ULK4: variants seen among roughly 807,000 people sequenced by gnomAD.
ULK4 encodes the protein unc-51 like kinase 4.
Under a neutral mutation model 160.6 loss-of-function variants are expected in ULK4, and 133 were observed. The ratio of observed to expected loss-of-function variants is 0.83; its 90% CI spans 0.72 to 0.96. The LOEUF is 0.96. Among genes scored for constraint, ULK4 ranks in the 40% least tolerant of loss-of-function variants. ULK4 has a pLI of 0.00. For missense variants in ULK4, 1,580 were observed against 1,499.5 expected (o/e 1.05, Z -0.89); for synonymous variants, 534 against 539.8 (o/e 0.99, Z 0.15).
At chr3:41,499,596 G>T (rs2085116404) in intron 32 of ULK4, among the ~76,000 whole-genome samples, 1 of 152,090 alleles carries the variant, frequency 6.6e-6, no homozygotes, top group African/African-American at 2.4e-5. Flanking sequence ...TCTACATAAA[G>T]ATTTTTTTTG....
chr3:41,725,516 C>T (rs543006091), intron 22 of ULK4, among the ~76,000 whole-genome samples: 2 of 152,226 alleles, frequency 1.3e-5, no homozygotes, highest in Admixed American at 1.3e-4. Flanking sequence ...TGACTTGTTA[C>T]TTTCAATTAT....
At chr3:41,895,949 G>C (rs1175825250) in intron 15 of ULK4, among the ~76,000 whole-genome samples, 1 of 152,106 alleles carries the variant, frequency 6.6e-6, no homozygotes, top group African/African-American at 2.4e-5. Context: ...CCTCTCTGAG[G>C]ATGACTTCAA....
chr3:41,941,755 CAAAAAAAAAAA>C (rs565727539), intron 2 of ULK4, among the ~76,000 whole-genome samples: 3 of 30,730 alleles, frequency 9.8e-5, no homozygotes, highest in East Asian at 1.3e-3. Flanking sequence ...GACTCTGTCT[CAAAAAAAAAAA>C]AAAAAAAAAA....
intron 17 of ULK4, among the ~76,000 whole-genome samples, chr3:41,849,713 G>A (rs1049064549): frequency 1.3e-5 from 2 of 152,202 alleles, no homozygotes; most frequent in Non-Finnish European, 2.9e-5. Flanking sequence ...GGTGCAGGAT[G>A]TTAATAGGGA....
Position 41,369,346 on chromosome 3 carries a change from T to C in ULK4, c.3678+28733A>G, listed in dbSNP as rs564220754. On this transcript the variant is annotated intron_variant, in intron 35 of 36. Coordinates refer to ENST00000301831, the MANE Select transcript of ULK4 (RefSeq NM_017886.4). ...TGACTCCACTAAAAATACTAGAAAT[T>C]AGCCAGGTGTGGTGGCACATGCCTG... Among the ~76,000 whole-genome samples, 7 of 152,110 alleles carry C rather than the reference T, an allele frequency of 4.6e-5. No homozygotes were observed. In the South Asian group the frequency reaches 1.5e-3, roughly 32 times the overall value.
At chr3:41,549,832 C>T (rs1354555101) in intron 32 of ULK4, among the ~76,000 whole-genome samples, 1 of 151,988 alleles carries the variant, frequency 6.6e-6, no homozygotes, top group African/African-American at 2.4e-5. Flanking sequence ...AAATGACCAT[C>T]AGGCTAACTG....
intron 17 of ULK4, among the ~76,000 whole-genome samples, chr3:41,865,270 TTAAAAAAAA>T (rs1172933321): frequency 1.5e-4 from 10 of 65,622 alleles, no homozygotes; most frequent in African/African-American, 3.7e-4. Context: ...GACTCTGTCT[TTAAAAAAAA>T]AAAAAAAAAA....
intron 25 of ULK4, among the ~76,000 whole-genome samples, chr3:41,709,573 G>C (rs987245448): frequency 3.9e-5 from 6 of 152,122 alleles, no homozygotes; most frequent in Non-Finnish European, 5.9e-5. Flanking sequence ...TTTTAGTAGA[G>C]ATGGGGTTTC....
chr3:41,728,041 G>C (rs1240586643), intron 22 of ULK4, among the ~76,000 whole-genome samples: 1 of 152,192 alleles, frequency 6.6e-6, no homozygotes, highest in East Asian at 1.9e-4. Flanking sequence ...TGCCAGAATA[G>C]CAAGTCTGGA....
intron 19 of ULK4, among the ~76,000 whole-genome samples, chr3:41,808,805 G>A (rs2040730567): frequency 6.6e-6 from 1 of 152,118 alleles, no homozygotes; most frequent in African/African-American, 2.4e-5. Flanking sequence ...AATGCCGTCA[G>A]GGCAAACACC....
chr3:41,695,549 G>A lies in ULK4; in HGVS notation c.2781+9508C>T, dbSNP rs527776507. ...AAAGACACTTGAAAGAAGCCAACCTGAAAAGGCTTACACTAGCCAAATCTG... is the reference window on the plus strand; with the variant it reads ...AAAGACACTTGAAAGAAGCCAACCTAAAAAGGCTTACACTAGCCAAATCTG... On this transcript the variant is annotated intron_variant, in intron 27 of 36. Coordinates refer to ENST00000301831, the MANE Select transcript of ULK4 (RefSeq NM_017886.4). Among the ~76,000 whole-genome samples the A allele has an allele frequency of 2.6e-5, 4 of 152,232 alleles. No homozygotes were observed. The East Asian group carries it at 5.8e-4, about 22-fold the overall frequency.
intron 35 of ULK4, among the ~76,000 whole-genome samples, chr3:41,306,701 G>C (rs1459946821): frequency 6.6e-6 from 1 of 152,132 alleles, no homozygotes; most frequent in Non-Finnish European, 1.5e-5. Context: ...TTGTGGAATA[G>C]AAAAGGGGGA....
At chr3:41,357,445 CAG>C (rs2081051165) in intron 35 of ULK4, among the ~76,000 whole-genome samples, 1 of 152,128 alleles carries the variant, frequency 6.6e-6, no homozygotes, top group Non-Finnish European at 1.5e-5. Flanking sequence ...GAACACCCCA[CAG>C]CCTAAGAGTG....
chr3:41,319,118 T>C (rs1040450377), intron 35 of ULK4, among the ~76,000 whole-genome samples: 1 of 152,230 alleles, frequency 6.6e-6, no homozygotes, highest in African/African-American at 2.4e-5. Context: ...ACATGTAATA[T>C]TAAAGGTAGT....
intron 31 of ULK4, among the ~76,000 whole-genome samples, chr3:41,577,672 G>A (rs1233772168): frequency 6.6e-6 from 1 of 151,504 alleles, no homozygotes; most frequent in Non-Finnish European, 1.5e-5. Context: ...AGCTCCATGA[G>A]TTCAATTGTT....
At chr3:41,599,349 GTTT>G (rs2031905744) in intron 31 of ULK4, among the ~76,000 whole-genome samples, 2 of 152,124 alleles carry the variant, frequency 1.3e-5, no homozygotes, top group Non-Finnish European at 2.9e-5. Flanking sequence ...CTAATCTAAT[GTTT>G]AGGTAACCTG....
intron 18 of ULK4, among the ~76,000 whole-genome samples, chr3:41,820,793 T>A (rs6798329): frequency 3.3e-5 from 5 of 152,000 alleles, no homozygotes; most frequent in African/African-American, 9.7e-5. Flanking sequence ...GTTGAAATTT[T>A]AAAAAAAGAA....
At chr3:41,263,784 A>G (rs1404381122) in intron 35 of ULK4, among the ~76,000 whole-genome samples, 1 of 152,200 alleles carries the variant, frequency 6.6e-6, no homozygotes, top group Non-Finnish European at 1.5e-5. Flanking sequence ...ATGCATACAC[A>G]TGAAAAGCTC....
chr3:41,630,814 C>A (rs1238192903), intron 30 of ULK4, among the ~76,000 whole-genome samples: 1 of 152,148 alleles, frequency 6.6e-6, no homozygotes. Context: ...CTGCTTCTGG[C>A]CTACTTGTGT....
Sources: gnomAD v4.1 joint callset for allele counts (sites outside exome capture counted in the v4.1 genomes callset) on GRCh38, gnomAD v4.1.1 for gene constraint, MANE v1.5 for transcripts, NCBI Gene and HGNC (gene_info 2026-07-23, HGNC 2026-07-21) for gene names.